Variants in USP32 observed in about 807,000 individuals in gnomAD.
The protein encoded by USP32 is ubiquitin carboxyl-terminal hydrolase 32.
Under a neutral mutation model 204.8 loss-of-function variants are expected in USP32, and 59 were observed. That is an observed-to-expected ratio of 0.29 (90% CI 0.23 to 0.36). USP32 has a LOEUF of 0.36. USP32 is among the 10% of genes least tolerant of loss of function. The pLI, the probability that USP32 is intolerant of heterozygous loss-of-function variation, is 1.00. For synonymous variants in USP32, 517 were observed against 678.4 expected (o/e 0.76, Z 3.70); for missense variants, 1,160 against 1,946.4 (o/e 0.60, Z 7.60).
At chr17:60,386,992 A>G (rs1407740269) in intron 1 of USP32, among the ~76,000 whole-genome samples, 3 of 152,322 alleles carry the variant, frequency 2.0e-5, no homozygotes, top group South Asian at 4.1e-4. Context: ...GTATACTTTT[A>G]AAAGGCTTAA....
intron 1 of USP32, among the ~76,000 whole-genome samples, chr17:60,358,317 G>A (rs1256243688): frequency 1.3e-5 from 2 of 152,024 alleles, no homozygotes; most frequent in Non-Finnish European, 2.9e-5. Context: ...CCTCACACCT[G>A]TAATCCCAGC....
At chr17:60,274,827 C>T (rs2086803684) in intron 5 of USP32, among the ~76,000 whole-genome samples, 1 of 152,116 alleles carries the variant, frequency 6.6e-6, no homozygotes. Flanking sequence ...TGTTACTTCT[C>T]TGCCTCAAAA....
At chr17:60,217,483 T>TG (rs1195254234) in intron 16 of USP32, among the ~76,000 whole-genome samples, 2 of 152,062 alleles carry the variant, frequency 1.3e-5, no homozygotes, top group South Asian at 2.1e-4. Flanking sequence ...TTAGTAAAGA[T>TG]GGGGTTTCAC....
At chr17:60,184,124 AAAATAAAT>A (rs1050036078) in intron 30 of USP32, among the ~76,000 whole-genome samples, 4 of 151,394 alleles carry the variant, frequency 2.6e-5, no homozygotes, top group East Asian at 3.9e-4. Flanking sequence ...ATCTCTACTA[AAAATAAAT>A]AAATAAATAA....
intron 16 of USP32, among the ~76,000 whole-genome samples, chr17:60,217,815 A>G (rs2085144136): frequency 6.6e-6 from 1 of 152,030 alleles, no homozygotes; most frequent in African/African-American, 2.4e-5. Context: ...ATAGCTCACC[A>G]CAACCTTGAA....
intron 13 of USP32, 23 bp from the exon 14 acceptor site, chr17:60,223,609 A>T: frequency 1.9e-6 from 3 of 1,573,558 alleles, no homozygotes; most frequent in Non-Finnish European, 2.6e-6. Flanking sequence ...AAGAGGATAG[A>T]ATCTCTTATT....
At chr17:60,199,582 T>A (rs1215931567) in intron 26 of USP32, among the ~76,000 whole-genome samples, 1 of 152,184 alleles carries the variant, frequency 6.6e-6, no homozygotes, top group East Asian at 1.9e-4. Context: ...ATCAACAACT[T>A]ATCAACTCAC....
chr17:60,218,384 G>A (rs1289933611), intron 16 of USP32, among the ~76,000 whole-genome samples: 6 of 150,958 alleles, frequency 4.0e-5, no homozygotes, highest in Admixed American at 6.6e-5. Context: ...ACTCCATCTC[G>A]AAAAAAATAA....
chr17:60,411,095 G>A (rs1449363429), intron 1 of USP32, among the ~76,000 whole-genome samples: 2 of 151,970 alleles, frequency 1.3e-5, no homozygotes, highest in Non-Finnish European at 2.9e-5. Context: ...TTGGGAGGCC[G>A]AGGCAGGCGG....
At chr17:60,256,232 T>C (rs1423770811) in intron 9 of USP32, among the ~76,000 whole-genome samples, 1 of 151,612 alleles carries the variant, frequency 6.6e-6, no homozygotes, top group Non-Finnish European at 1.5e-5. Context: ...AGAAATAAGC[T>C]AAAGGGAAAG....
At chr17:60,320,384 C>A (rs889336237) in intron 2 of USP32, among the ~76,000 whole-genome samples, 1 of 152,116 alleles carries the variant, frequency 6.6e-6, no homozygotes, top group Admixed American at 6.6e-5. Context: ...ACTATATCTA[C>A]CCAATTATTA....
intron 11 of USP32, among the ~76,000 whole-genome samples, chr17:60,251,534 T>A (rs1319679070): frequency 1.3e-5 from 2 of 152,182 alleles, no homozygotes; most frequent in Non-Finnish European, 2.9e-5. Context: ...CAGTACCTAT[T>A]GAGAGTTTAT....
intron 2 of USP32, among the ~76,000 whole-genome samples, chr17:60,321,682 C>G (rs2088115367): frequency 6.6e-6 from 1 of 152,120 alleles, no homozygotes; most frequent in African/African-American, 2.4e-5. Context: ...ACAGAAAATA[C>G]AGAAGACCAA....
At chr17:60,237,112 CTCTATCTATCTA>C (rs35524070) in intron 11 of USP32, among the ~76,000 whole-genome samples, 3,815 of 138,202 alleles carry the variant, frequency 0.028, 79 homozygotes, top group African/African-American at 0.044. Flanking sequence ...AAAAAATCTA[CTCTATCTATCTA>C]TCTATCTATC....
At chr17:60,191,061 C>A (rs747964018) in intron 28 of USP32, among the ~76,000 whole-genome samples, 5 of 152,124 alleles carry the variant, frequency 3.3e-5, no homozygotes, top group Non-Finnish European at 2.9e-5. Flanking sequence ...TCTGGTGTAA[C>A]ACCTAGCTCC....
chr17:60,201,932 T>C (rs1270959157), intron 26 of USP32, among the ~76,000 whole-genome samples: 5 of 152,284 alleles, frequency 3.3e-5, no homozygotes, highest in South Asian at 2.1e-4. Context: ...GCTGGGATTA[T>C]AGGCGTGAGC....
chr17:60,282,420 C>T (rs1227318206), intron 5 of USP32, among the ~76,000 whole-genome samples: 1 of 152,114 alleles, frequency 6.6e-6, no homozygotes, highest in Non-Finnish European at 1.5e-5. Flanking sequence ...GTGGTGCAAT[C>T]TCGGCTCACT....
chr17:60,235,827 A>G (rs533842498), intron 12 of USP32, among the ~76,000 whole-genome samples: 2 of 152,292 alleles, frequency 1.3e-5, no homozygotes, highest in African/African-American at 2.4e-5. Context: ...TGGGTATAAT[A>G]TTATCTTCCT....
chr17:60,370,861 T>TGA (rs1245901846), intron 1 of USP32, among the ~76,000 whole-genome samples: 4 of 151,522 alleles, frequency 2.6e-5, no homozygotes, highest in African/African-American at 9.7e-5. Flanking sequence ...ACTGGGAGGC[T>TGA]GAGGCAAGAG....
Sources: allele counts gnomAD v4.1 joint callset (sites outside exome capture counted in the v4.1 genomes callset), GRCh38; gene constraint gnomAD v4.1.1; transcripts MANE v1.5; gene names NCBI Gene and HGNC (gene_info 2026-07-23, HGNC 2026-07-21).